ATP8A2: variants seen among roughly 807,000 people sequenced by gnomAD.
ATP8A2 encodes ATPase phospholipid transporting 8A2.
A neutral mutation model predicts 165.6 loss-of-function variants in ATP8A2; 100 were observed. That is an observed-to-expected ratio of 0.60 (90% CI 0.51 to 0.71). ATP8A2 has a LOEUF of 0.71. Ranked by LOEUF, ATP8A2 falls within the 30% of genes least tolerant of loss-of-function variation. ATP8A2 has a pLI of 0.00. For synonymous variants in ATP8A2, 543 were observed against 548.8 expected (o/e 0.99, Z 0.15); for missense variants, 1,227 against 1,479.5 (o/e 0.83, Z 2.80).
intron 33 of ATP8A2, among the ~76,000 whole-genome samples, chr13:25,896,142 T>A (rs1218229741): frequency 2.0e-5 from 3 of 152,252 alleles, no homozygotes; most frequent in Non-Finnish European, 4.4e-5. Context: ...CAATTTTAGA[T>A]CTTTCCTGCT....
intron 1 of ATP8A2, among the ~76,000 whole-genome samples, chr13:25,456,725 G>A (rs1416699563): frequency 2.6e-5 from 4 of 152,248 alleles, no homozygotes; most frequent in Admixed American, 2.0e-4. Flanking sequence ...GACTACAAGT[G>A]CTTTGAAAGC....
intron 27 of ATP8A2, among the ~76,000 whole-genome samples, chr13:25,813,686 C>A (rs1195517105): frequency 6.6e-6 from 1 of 152,060 alleles, no homozygotes; most frequent in East Asian, 1.9e-4. Flanking sequence ...GTCCCCAGTA[C>A]CCTGTGATGG....
intron 9 of ATP8A2, among the ~76,000 whole-genome samples, chr13:25,542,350 C>G (rs868010182): frequency 4.0e-5 from 6 of 151,092 alleles, no homozygotes; most frequent in African/African-American, 1.5e-4. Context: ...TGTATACAAG[C>G]TAATACACTT....
At chr13:25,834,955 G>A (rs1035793304) in intron 28 of ATP8A2, among the ~76,000 whole-genome samples, 4 of 150,552 alleles carry the variant, frequency 2.7e-5, no homozygotes, top group African/African-American at 7.4e-5. Flanking sequence ...CAGTGTCAAC[G>A]TTTTATGAAA....
chr13:25,929,930 C>T (rs1418748428), intron 33 of ATP8A2, among the ~76,000 whole-genome samples: 2 of 152,154 alleles, frequency 1.3e-5, no homozygotes, highest in African/African-American at 4.8e-5. Context: ...ACTTCCCGAA[C>T]GTGAACTCCC....
chr13:25,952,815 G>A (rs140480341), intron 33 of ATP8A2, among the ~76,000 whole-genome samples: 1,812 of 152,244 alleles, frequency 0.012, 20 homozygotes, highest in Admixed American at 0.02. Context: ...TCTTTATTGT[G>A]TCAGCGCCAC....
intron 1 of ATP8A2, among the ~76,000 whole-genome samples, chr13:25,399,397 C>CTGTTTT (rs2033543539): frequency 1.4e-5 from 1 of 74,058 alleles, no homozygotes; most frequent in Admixed American, 2.1e-4. Flanking sequence ...AGTGGTTCTT[C>CTGTTTT]TTTTTTTTTT....
chr13:25,579,116 A>G (rs1192572551), intron 21 of ATP8A2, among the ~76,000 whole-genome samples: 2 of 152,186 alleles, frequency 1.3e-5, no homozygotes, highest in African/African-American at 4.8e-5. Context: ...CCAACGCACA[A>G]CGTGTAGAAT....
intron 24 of ATP8A2, among the ~76,000 whole-genome samples, chr13:25,609,585 G>GGATTCAAATATATATATATATTTT (rs2040624460): frequency 8.3e-6 from 1 of 119,998 alleles, no homozygotes; most frequent in African/African-American, 3.0e-5. Flanking sequence ...ATATATATTT[G>GGATTCAAATATATATATATATTTT]GGTTCAAATA....
intron 1 of ATP8A2, among the ~76,000 whole-genome samples, chr13:25,437,386 A>G (rs1397685382): frequency 6.6e-6 from 1 of 152,168 alleles, no homozygotes; most frequent in Non-Finnish European, 1.5e-5. Flanking sequence ...ATGGATTTGG[A>G]ACAAGGTTTC....
chr13:25,558,189 T>A (rs1179557290), intron 13 of ATP8A2, among the ~76,000 whole-genome samples: 2 of 152,164 alleles, frequency 1.3e-5, no homozygotes, highest in Non-Finnish European at 2.9e-5. Context: ...GGTGTGAGCC[T>A]CTGCACCTGG....
chr13:25,753,287 T>TGG (rs1201051981), intron 25 of ATP8A2, among the ~76,000 whole-genome samples: 1 of 152,216 alleles, frequency 6.6e-6, no homozygotes, highest in Non-Finnish European at 1.5e-5. Flanking sequence ...AGCTGCCCTT[T>TGG]GGCTCGACCC....
At chr13:25,510,476 G>A (rs75003872) in intron 2 of ATP8A2, among the ~76,000 whole-genome samples, 2 of 152,346 alleles carry the variant, frequency 1.3e-5, no homozygotes, top group South Asian at 2.1e-4. Context: ...TGGACTCTTC[G>A]ATTTCCCTGT....
At chr13:25,709,907 T>C (rs1302762437) in intron 25 of ATP8A2, among the ~76,000 whole-genome samples, 2 of 152,178 alleles carry the variant, frequency 1.3e-5, no homozygotes, top group Non-Finnish European at 2.9e-5. Context: ...TAATTAGAGA[T>C]GTTAAAGAAA....
Position 25,961,623 on chromosome 13 carries a change from G to T in ATP8A2, c.3232G>T (p.Val1078Phe). The T allele has an allele frequency of 6.2e-7, 1 of 1,614,024 alleles. No individual in the cohort carries two copies. Among genetic ancestry groups the T allele is most frequent in the Non-Finnish European group, 8.5e-7 (1 of 1,179,952 alleles). The change falls in exon 34 of 37, where the codon GTT becomes TTT. Residue 1078 changes from valine (V) to phenylalanine (F), a missense_variant. Val to Phe is a conservative substitution (Grantham distance 50, BLOSUM62 -1). This residue lies in a region of ATP8A2 where 260 missense variants were observed against 245.1 expected (regional missense o/e 1.06). Coordinates refer to ENST00000381655, the MANE Select transcript of ATP8A2 (RefSeq NM_016529.6). ...SAHFWLGLFL[V>F]PTACLIEDVA... ...ACACTTCTGGTTGGGATTATTTCTG[G>T]TTCCTACTGCCTGTTTGATTGAAGA...
chr13:25,615,335 G>A (rs1342714026), intron 24 of ATP8A2, among the ~76,000 whole-genome samples: 1 of 152,150 alleles, frequency 6.6e-6, no homozygotes, highest in East Asian at 1.9e-4. Flanking sequence ...GGCAGTTACA[G>A]GCTTCACCTA....
intron 28 of ATP8A2, among the ~76,000 whole-genome samples, chr13:25,830,429 A>G (rs1161126347): frequency 6.6e-6 from 1 of 152,154 alleles, no homozygotes; most frequent in Non-Finnish European, 1.5e-5. Flanking sequence ...GAAAGGGTCT[A>G]GGTTACCACT....
intron 33 of ATP8A2, among the ~76,000 whole-genome samples, chr13:25,901,468 A>C (rs1953745109): frequency 6.6e-6 from 1 of 151,158 alleles, no homozygotes; most frequent in South Asian, 2.1e-4. Flanking sequence ...ATGTCTAGGA[A>C]TTAAATTTTA....
intron 1 of ATP8A2, among the ~76,000 whole-genome samples, chr13:25,395,898 C>T (rs886833822): frequency 1.3e-5 from 2 of 151,944 alleles, no homozygotes; most frequent in Admixed American, 1.3e-4. Context: ...GGCTGGAGTG[C>T]AGTGGCGCAA....
Sources: allele counts gnomAD v4.1 joint callset (sites outside exome capture counted in the v4.1 genomes callset), GRCh38; gene constraint gnomAD v4.1.1; regional missense constraint gnomAD v4.1.1; transcripts MANE v1.5; gene names NCBI Gene and HGNC (gene_info 2026-07-23, HGNC 2026-07-21).